IRS1: variants seen among roughly 807,000 people sequenced by gnomAD.
IRS1 encodes the protein insulin receptor substrate 1.
A neutral mutation model predicts 65.6 loss-of-function variants in IRS1; 34 were observed. That is an observed-to-expected ratio of 0.52 (90% CI 0.39 to 0.69). The LOEUF is 0.69. Ranked by LOEUF, IRS1 falls within the 30% of genes least tolerant of loss-of-function variation. The probability of loss-of-function intolerance (pLI) is 0.00; values close to 1 mark genes in which losing one functional copy is unlikely to be tolerated. For missense variants in IRS1, 1,641 were observed against 1,720.2 expected (o/e 0.95, Z 0.81); for synonymous variants, 699 against 683.5 (o/e 1.02, Z -0.35).
chr2:226,763,252 A>AT (rs1938956324), intron 1 of IRS1, among the ~76,000 whole-genome samples: 1 of 151,976 alleles, frequency 6.6e-6, no homozygotes, highest in Non-Finnish European at 1.5e-5. Flanking sequence ...ATACCATCCT[A>AT]TTTTTGGTTT....
chr2:226,747,460 T>A (rs1340689526), intron 1 of IRS1, among the ~76,000 whole-genome samples: 1 of 152,022 alleles, frequency 6.6e-6, no homozygotes, highest in African/African-American at 2.4e-5. Flanking sequence ...AAGACGGCCA[T>A]CGTAAACCAG....
chr2:226,788,245 C>T (rs762421296), intron 1 of IRS1, among the ~76,000 whole-genome samples: 1 of 152,088 alleles, frequency 6.6e-6, no homozygotes, highest in Non-Finnish European at 1.5e-5. Flanking sequence ...TGCAATCCAA[C>T]TCAGCTTACT....
chr2:226,790,333 TA>T (rs775489902), intron 1 of IRS1, among the ~76,000 whole-genome samples: 936 of 141,620 alleles, frequency 6.6e-3, no homozygotes, highest in African/African-American at 0.01. Context: ...AATTGTGATT[TA>T]AAAAAAAAAA....
chr2:226,795,333 C>CGCT lies in IRS1; in HGVS notation c.3403_3405dup (p.Ser1135dup), dbSNP rs753853576. Reference sequence around the variant, plus strand: ...GCAGAGCTGTGGCGTTTCACATCCTCGCTGCTGCTGCTGCTACCGCCACCG... The same window carrying CGCT: ...GCAGAGCTGTGGCGTTTCACATCCTCGCTGCTGCTGCTGCTGCTACCGCCACCG... On this transcript the variant is annotated inframe_insertion, in exon 1 of 2. Transcript: ENST00000305123. 2.3e-5 allele frequency: 37 copies of CGCT among 1,613,274 alleles called. No homozygotes were observed. Among genetic ancestry groups the CGCT allele is most frequent in the East Asian group, 4.5e-5 (2 of 44,896 alleles).
At chr2:226,741,463 G>T (rs913004782) in intron 1 of IRS1, among the ~76,000 whole-genome samples, 14 of 152,264 alleles carry the variant, frequency 9.2e-5, no homozygotes, top group African/African-American at 3.4e-4. Context: ...AGAACAGAAG[G>T]ATTCCTCTCA....
At chr2:226,775,247 G>C (rs948417716) in intron 1 of IRS1, among the ~76,000 whole-genome samples, 2 of 152,236 alleles carry the variant, frequency 1.3e-5, no homozygotes, top group African/African-American at 2.4e-5. Context: ...GAACCTATAA[G>C]ACTAAAGGCA....
intron 1 of IRS1, among the ~76,000 whole-genome samples, chr2:226,770,385 G>C (rs1939139334): frequency 6.6e-6 from 1 of 152,138 alleles, no homozygotes; most frequent in Non-Finnish European, 1.5e-5. Flanking sequence ...CCTCCACCCT[G>C]CCTAATTTTT....
In IRS1 at chr2:226,794,883, T is replaced by C; in HGVS notation, c.*21+106A>G. On this transcript the variant is annotated intron_variant, in intron 1 of 1. Coordinates refer to ENST00000305123, the MANE Select transcript of IRS1 (RefSeq NM_005544.3). This position sits in a 1 kb window ranked among gnomAD's most constrained non-coding sequence, Gnocchi z 4.1. ...CCTGAGAATGTAAGTGCATTCTCCC[T>C]GAGGAAGCAGTGGGAAAGAACAGGA... is the stretch of plus-strand genomic sequence containing the variant. 8 of 989,902 alleles carry C rather than the reference T, an allele frequency of 8.1e-6. No homozygotes were observed. Among genetic ancestry groups the C allele is most frequent in the Non-Finnish European group, 9.6e-6 (6 of 625,120 alleles). The allele number at this position is 989,902 out of a possible 1,614,324, so 61.3% of individuals were successfully genotyped here. A position where few individuals can be genotyped will look rare whatever the true frequency, so the allele number is the denominator to read the frequency against.
chr2:226,739,179 T>C (rs1004872368), intron 1 of IRS1, among the ~76,000 whole-genome samples: 10 of 152,206 alleles, frequency 6.6e-5, no homozygotes, highest in Non-Finnish European at 1.3e-4. Context: ...AAGTCTTACT[T>C]AGCACACTAC....
intron 1 of IRS1, among the ~76,000 whole-genome samples, chr2:226,751,286 T>G (rs1938673443): frequency 7.2e-6 from 1 of 139,468 alleles, no homozygotes; most frequent in South Asian, 2.5e-4. Flanking sequence ...TTTTTTTTTT[T>G]TTTTTTTTTT....
Position 226,798,223 on chromosome 2 carries a change from G to T in IRS1, c.516C>A (p.Gly172=). The stretch of plus-strand genomic sequence containing the variant: ...CAATCAGGTTCTTTGTCTGACCCAG[G>T]CCCTTGGGCTTCAGGATCACTTGCC... ...EVWQVILKPK[G]LGQTKNLIGI... Residue 172 remains glycine (G), a synonymous_variant, in exon 1 of 2, where the codon GGC becomes GGA. Coordinates refer to ENST00000305123, the MANE Select transcript of IRS1 (RefSeq NM_005544.3). This position sits in a 1 kb window ranked among gnomAD's most constrained non-coding sequence, Gnocchi z 9.4. 6.2e-7 allele frequency: 1 copy of T among 1,613,764 alleles called. No individual in the cohort carries two copies. The highest frequency in any genetic ancestry group is 8.5e-7 in the Non-Finnish European group (1 of 1,179,988).
chr2:226,761,486 G>T (rs1404400715), intron 1 of IRS1, among the ~76,000 whole-genome samples: 3 of 152,074 alleles, frequency 2.0e-5, no homozygotes, highest in Non-Finnish European at 4.4e-5. Flanking sequence ...AGTATCCATT[G>T]TATCTCTCTG....
At position 226,799,119 on chromosome 2, in the gene IRS1, C is replaced by T. The variant is rs1329981882; in HGVS notation, c.-381G>A. ...GCACAGGGAGGCGACAGTCGGGGGT[C>T]CCTGCGGTGCCCCTCCAGGAGCGCG... On this transcript the variant is annotated 5_prime_UTR_variant, in exon 1 of 2. Transcript: ENST00000305123. This position sits in a 1 kb window ranked among gnomAD's most constrained non-coding sequence, Gnocchi z 6.1. 2.6e-6 allele frequency: 3 copies of T among 1,169,826 alleles called. No homozygotes were observed. The highest frequency in any genetic ancestry group is 3.2e-6 in the Non-Finnish European group (3 of 931,942). 72.5% of individuals were successfully genotyped at this position (1,169,826 alleles called of 1,614,324 possible).
At position 226,796,729 on chromosome 2, in the gene IRS1, G is replaced by A. The variant is rs779087025; in HGVS notation, c.2010C>T (p.Gly670=). ...GGCCACCTCCAATGTCAGGAGAGCA[G>A]CCACCGCTGGGGGACATCATCATGT... ...NGYMMMSPSG[G]CSPDIGGGPS... is the part of the protein sequence containing the mutation. The change falls in exon 1 of 2, where the codon GGC becomes GGT. Residue 670 remains glycine, a synonymous_variant. Transcript: ENST00000305123. The A allele has an allele frequency of 3.4e-5, 55 of 1,612,420 alleles. No individual in the cohort carries two copies. The East Asian group carries it at 1.2e-3, about 34-fold the overall frequency.
Position 226,796,779 on chromosome 2 carries a change from G to C in IRS1, c.1960C>G (p.Pro654Ala), listed in dbSNP as rs1220757889. Residue 654 changes from proline (P) to alanine (A), a missense_variant, in exon 1 of 2, where the codon CCC (proline) becomes GCC (alanine). Physicochemically the swap from Pro to Ala is conservative, Grantham distance 27. Coordinates refer to ENST00000305123, the MANE Select transcript of IRS1 (RefSeq NM_005544.3). Reference sequence around the variant, plus strand: ...TAGCCATTGGGGTCCACTCTCTGGGGATGGCGTCTGATGGGATTGATGATC... The same window carrying C: ...TAGCCATTGGGGTCCACTCTCTGGGCATGGCGTCTGATGGGATTGATGATC... ...QQIINPIRRH[P>A]QRVDPNGYMM... 6.3e-7 allele frequency: 1 copy of C among 1,586,048 alleles called. No individual in the cohort carries two copies. The highest frequency in any genetic ancestry group is 1.3e-5 in the African/African-American group (1 of 74,534).
intron 1 of IRS1, among the ~76,000 whole-genome samples, chr2:226,738,433 T>G (rs942202287): frequency 6.6e-6 from 1 of 152,226 alleles, no homozygotes; most frequent in African/African-American, 2.4e-5. Context: ...AGGAGATTTC[T>G]ATTTATTTTT....
Position 226,795,793 on chromosome 2 carries a change from C to A in IRS1, c.2946G>T (p.Val982=), listed in dbSNP as rs754367656. ...AASICRPTRA[V]PSSRGDYMTM... ...TCATGTAGTCACCCCGGCTGCTGGG[C>A]ACTGCCCGGGTAGGCCTGCAAATGC... is the stretch of plus-strand genomic sequence containing the variant. Residue 982 remains valine (V), a synonymous_variant, in exon 1 of 2, where the codon GTG becomes GTT. Coordinates refer to ENST00000305123, the MANE Select transcript of IRS1 (RefSeq NM_005544.3). 4.3e-6 allele frequency: 7 copies of A among 1,613,222 alleles called. No homozygotes were observed. The South Asian group carries it at 7.7e-5, about 18-fold the overall frequency.
Position 226,733,210 on chromosome 2 carries a change from C to T in IRS1, c.*3062G>A, listed in dbSNP as rs1186699163. 1 of 152,096 alleles carries T rather than the reference C, an allele frequency of 6.6e-6. No individual in the cohort carries two copies. The highest frequency in any genetic ancestry group is 2.1e-4 in the South Asian group (1 of 4,826). The allele number at this position is 152,096 out of a possible 1,614,324, so 9.4% of individuals were successfully genotyped here. ...CATACAGAAAAATTGTTTCTTAATA[C>T]TTCAAATGTCTCAAATTTAAATGAT... is the stretch of plus-strand genomic sequence containing the variant. On this transcript the variant is annotated 3_prime_UTR_variant, in exon 2 of 2. Transcript: ENST00000305123.
intron 1 of IRS1, among the ~76,000 whole-genome samples, chr2:226,774,837 A>G (rs925432135): frequency 4.6e-5 from 7 of 152,234 alleles, no homozygotes; most frequent in Non-Finnish European, 8.8e-5. Context: ...AGCCAGCCTG[A>G]TAAGAATACA....
Sources: gnomAD v4.1 joint callset for allele counts (sites outside exome capture counted in the v4.1 genomes callset) on GRCh38, gnomAD v4.1.1 for gene constraint, Gnocchi (gnomAD v3.1) non-coding constraint, MANE v1.5 for transcripts, NCBI Gene and HGNC (gene_info 2026-07-23, HGNC 2026-07-21) for gene names.